The following MYH15 variants were observed in gnomAD, a reference collection of about 807,000 sequenced individuals.
MYH15 encodes the protein myosin-15.
In MYH15, 227 loss-of-function variants were observed where a neutral mutation model predicts 240.5. The ratio of observed to expected loss-of-function variants is 0.94; its 90% CI spans 0.85 to 1.05. MYH15 has a LOEUF of 1.05. Among genes scored for constraint, MYH15 ranks in the 50% least tolerant of loss-of-function variants. MYH15 has a pLI of 0.00. For synonymous variants in MYH15, 785 were observed against 796.7 expected, an observed-to-expected ratio of 0.99 and a Z score of 0.25; for missense variants, 2,217 against 2,247.5, an observed-to-expected ratio of 0.99 and a Z score of 0.27.
chr3:108,407,158 A>G (rs1410308040), intron 32 of MYH15, among the ~76,000 whole-genome samples: 1 of 152,028 alleles, frequency 6.6e-6, no homozygotes, highest in Non-Finnish European at 1.5e-5. Context: ...CTGCCTGACA[A>G]CTCTATACAG....
At chr3:108,501,682 G>T in intron 3 of MYH15, 30 bp downstream of exon 3, 1 of 1,612,760 alleles carries the variant, frequency 6.2e-7, no homozygotes, top group South Asian at 1.1e-5. Flanking sequence ...CTGCCAACAT[G>T]ACAGTTTAGC....
intron 4 of MYH15, among the ~76,000 whole-genome samples, 185 bp downstream of exon 4, chr3:108,499,933 G>A (rs2083423349): frequency 6.6e-6 from 1 of 152,126 alleles, no homozygotes; most frequent in South Asian, 2.1e-4. Flanking sequence ...AAACTAATCG[G>A]CCCAATAACC....
chr3:108,448,286 T>G (rs1397397169), intron 21 of MYH15, among the ~76,000 whole-genome samples: 1 of 151,972 alleles, frequency 6.6e-6, no homozygotes, highest in Non-Finnish European at 1.5e-5. Flanking sequence ...ATAAATGAAA[T>G]AAGTTCACCA....
upstream of MYH15, among the ~76,000 whole-genome samples, chr3:108,513,406 T>C (rs2083535810): frequency 6.6e-6 from 1 of 152,240 alleles, no homozygotes; most frequent in Middle Eastern, 3.4e-3. Flanking sequence ...GGAAGGAGAA[T>C]AGGAAAGGAT....
At chr3:108,506,354 A>G (rs984807478) in intron 1 of MYH15, among the ~76,000 whole-genome samples, 1 of 152,180 alleles carries the variant, frequency 6.6e-6, no homozygotes, top group African/African-American at 2.4e-5. Flanking sequence ...GAGAGAGAAT[A>G]TGGGTTGTTT....
chr3:108,448,546 T>A (rs1032209883), intron 21 of MYH15, among the ~76,000 whole-genome samples: 1 of 152,048 alleles, frequency 6.6e-6, no homozygotes, highest in African/African-American at 2.4e-5. Context: ...TTCATCAAGA[T>A]GATATAAATA....
chr3:108,546,840 G>A, the MYH15 span, among the ~76,000 whole-genome samples: 2 of 152,024 alleles, frequency 1.3e-5, no homozygotes, highest in Admixed American at 6.6e-5. Flanking sequence ...TAAACCAAAC[G>A]GGACTCACAG....
chr3:108,504,241 T>C (rs1193585179), intron 2 of MYH15, among the ~76,000 whole-genome samples: 1 of 152,196 alleles, frequency 6.6e-6, no homozygotes, highest in African/African-American at 2.4e-5. Context: ...GTGACCCTGA[T>C]TGAGTCTATT....
intron 25 of MYH15, among the ~76,000 whole-genome samples, chr3:108,433,106 A>T (rs1244687981): frequency 1.3e-5 from 2 of 152,214 alleles, no homozygotes; most frequent in Non-Finnish European, 2.9e-5. Flanking sequence ...TTACCCTGCA[A>T]AGCCGCAGGG....
chr3:108,489,085 G>T (rs1310088747), intron 9 of MYH15, among the ~76,000 whole-genome samples: 1 of 152,144 alleles, frequency 6.6e-6, no homozygotes, highest in African/African-American at 2.4e-5. Context: ...ATGTCTGTCA[G>T]GTCCTTTATC....
chr3:108,549,677 T>G, the MYH15 span, among the ~76,000 whole-genome samples: 1 of 152,048 alleles, frequency 6.6e-6, no homozygotes, highest in Non-Finnish European at 1.5e-5. Context: ...AAATTTCAAG[T>G]GCTCAATGGC....
chr3:108,473,810 A>G (rs2083196862), intron 12 of MYH15, among the ~76,000 whole-genome samples: 2 of 152,174 alleles, frequency 1.3e-5, no homozygotes, highest in African/African-American at 2.4e-5. Flanking sequence ...AGCAGCTTTC[A>G]CCTTGGGATG....
intron 1 of MYH15, among the ~76,000 whole-genome samples, chr3:108,523,669 C>T (rs1397543074): frequency 6.6e-6 from 1 of 151,898 alleles, no homozygotes; most frequent in East Asian, 1.9e-4. Context: ...ATCCTTCTTG[C>T]TTTTATTCAC....
intron 5 of MYH15, among the ~76,000 whole-genome samples, chr3:108,498,909 T>C (rs2083414651): frequency 6.6e-6 from 1 of 152,230 alleles, no homozygotes; most frequent in Non-Finnish European, 1.5e-5. Context: ...ACACTTTACC[T>C]GGCCAGCCAG....
chr3:108,446,164 G>T (rs1033542074), intron 21 of MYH15, among the ~76,000 whole-genome samples: 2 of 152,120 alleles, frequency 1.3e-5, no homozygotes, highest in African/African-American at 4.8e-5. Flanking sequence ...CAGTCAACAA[G>T]GGTGTTCCAG....
chr3:108,470,818 C>T lies in MYH15; in HGVS notation c.1263G>A (p.Lys421=). 1.2e-6 allele frequency: 2 copies of T among 1,613,790 alleles called. No individual in the cohort carries two copies. The highest frequency in any genetic ancestry group is 1.7e-6 in the Non-Finnish European group (2 of 1,179,810). The change falls in exon 13 of 41, where the codon AAG becomes AAA. Residue 421 remains lysine, a synonymous_variant. Coordinates refer to ENST00000693548, the MANE Select transcript of MYH15 (RefSeq NM_014981.3). ...ACTTAAACATCCTTTCATACATTGACTTGGACAGGGCACCGACAGCACAGG... is the reference window on the plus strand; with the variant it reads ...ACTTAAACATCCTTTCATACATTGATTTGGACAGGGCACCGACAGCACAGG... ...QVTCAVGALS[K]SMYERMFKWL...
chr3:108,499,523 A>T (rs764253916), intron 4 of MYH15, 41 bp from the exon 5 acceptor site: 3 of 1,569,438 alleles, frequency 1.9e-6, no homozygotes, highest in Non-Finnish European at 2.6e-6. Context: ...CTTATATTCG[A>T]TATTTATGTA....
intron 10 of MYH15, among the ~76,000 whole-genome samples, chr3:108,485,784 T>C (rs2083300722): frequency 6.6e-6 from 1 of 152,262 alleles, no homozygotes; most frequent in East Asian, 1.9e-4. Flanking sequence ...ATTTAGAATA[T>C]GTACCAAGAG....
chr3:108,517,677 A>G (rs2083585472), intron 1 of MYH15, among the ~76,000 whole-genome samples: 1 of 151,988 alleles, frequency 6.6e-6, no homozygotes, highest in African/African-American at 2.4e-5. Flanking sequence ...CATGTTGGCC[A>G]GGCTGGTCTT....
Sources: allele counts gnomAD v4.1 joint callset (sites outside exome capture counted in the v4.1 genomes callset), GRCh38; gene constraint gnomAD v4.1.1; transcripts MANE v1.5; gene names NCBI Gene and HGNC (gene_info 2026-07-23, HGNC 2026-07-21).